Variants in PDE10A observed in about 807,000 individuals in gnomAD.
PDE10A encodes cAMP and cAMP-inhibited cGMP 3',5'-cyclic phosphodiesterase 10A.
PDE10A carries 39 observed loss-of-function variants against 97.7 expected under a neutral mutation model. That is an observed-to-expected ratio of 0.40 (90% CI 0.31 to 0.52). PDE10A has a LOEUF of 0.52. Among genes scored for constraint, PDE10A ranks in the 20% least tolerant of loss-of-function variants. The probability of loss-of-function intolerance (pLI) is 0.56; values close to 1 mark genes in which losing one functional copy is unlikely to be tolerated. For missense variants in PDE10A, 731 were observed against 1,047.8 expected (o/e 0.70, Z 4.17); for synonymous variants, 371 against 376.8 (o/e 0.98, Z 0.18).
At chr6:165,555,724 A>G (rs1177628834) in intron 1 of PDE10A, among the ~76,000 whole-genome samples, 1 of 152,184 alleles carries the variant, frequency 6.6e-6, no homozygotes, top group African/African-American at 2.4e-5. Context: ...GCTAGCCATC[A>G]TATTAACTGG....
At chr6:165,407,381 AT>A (rs141096653) in intron 13 of PDE10A, among the ~76,000 whole-genome samples, 2,292 of 151,910 alleles carry the variant, frequency 0.015, 64 homozygotes, top group African/African-American at 0.05. Flanking sequence ...CTATACATCC[AT>A]TTTTTTTCTT....
chr6:165,977,479 T>C (rs998858084), intron 1 of PDE10A, among the ~76,000 whole-genome samples: 2 of 152,110 alleles, frequency 1.3e-5, no homozygotes, highest in African/African-American at 4.8e-5. Flanking sequence ...AGCACCAAAT[T>C]CAACATCCAT....
At chr6:165,755,920 T>G (rs1022289104) in intron 1 of PDE10A, among the ~76,000 whole-genome samples, 2 of 152,184 alleles carry the variant, frequency 1.3e-5, no homozygotes, top group African/African-American at 4.8e-5. Context: ...CCTCTGCCTC[T>G]TCCTCCCTCC....
chr6:165,787,310 G>A (rs1323839988), intron 1 of PDE10A, among the ~76,000 whole-genome samples: 1 of 152,154 alleles, frequency 6.6e-6, no homozygotes, highest in Non-Finnish European at 1.5e-5. Flanking sequence ...GAAATGAAAT[G>A]ATAATGTTTT....
intron 1 of PDE10A, among the ~76,000 whole-genome samples, chr6:165,583,003 C>T (rs925939675): frequency 6.6e-6 from 1 of 152,130 alleles, no homozygotes; most frequent in Non-Finnish European, 1.5e-5. Flanking sequence ...CACCAAGTAC[C>T]GGCCTCCACA....
chr6:165,358,545 C>CT (rs1224338701), intron 18 of PDE10A, among the ~76,000 whole-genome samples: 1 of 149,124 alleles, frequency 6.7e-6, no homozygotes, highest in Non-Finnish European at 1.5e-5. Context: ...CATGGTATAT[C>CT]TTTATCATTT....
chr6:165,363,533 C>CAGAAA (rs998111655), intron 18 of PDE10A, among the ~76,000 whole-genome samples: 1 of 150,572 alleles, frequency 6.6e-6, no homozygotes, highest in African/African-American at 2.4e-5. Context: ...AAAAAAAAAA[C>CAGAAA]AGAAAAGAAA....
intron 18 of PDE10A, among the ~76,000 whole-genome samples, chr6:165,376,738 T>C (rs1233890177): frequency 6.6e-6 from 1 of 152,050 alleles, no homozygotes; most frequent in African/African-American, 2.4e-5. Flanking sequence ...AACACAGCAA[T>C]TCCCTATCTC....
intron 1 of PDE10A, among the ~76,000 whole-genome samples, chr6:165,955,964 A>G (rs987726504): frequency 6.6e-6 from 1 of 152,236 alleles, no homozygotes; most frequent in South Asian, 2.1e-4. Context: ...ACTTCTGAGC[A>G]TATTCTTAAC....
intron 18 of PDE10A, among the ~76,000 whole-genome samples, chr6:165,371,449 C>T (rs1479397907): frequency 2.6e-5 from 4 of 151,978 alleles, no homozygotes; most frequent in Non-Finnish European, 4.4e-5. Context: ...ACTACAAACA[C>T]CTCTACGCAA....
At chr6:165,844,083 G>C (rs1165213254) in intron 1 of PDE10A, among the ~76,000 whole-genome samples, 1 of 152,186 alleles carries the variant, frequency 6.6e-6, no homozygotes, top group Non-Finnish European at 1.5e-5. Context: ...TCGCAGGTGA[G>C]ATGTATTTTG....
At chr6:165,881,937 G>A (rs62425102) in intron 1 of PDE10A, among the ~76,000 whole-genome samples, 18,640 of 152,118 alleles carry the variant, frequency 0.12, 1,542 homozygotes, top group East Asian at 0.28. Context: ...AAAGTGTGCC[G>A]CCCAGGCAGA....
chr6:165,607,972 A>G lies in PDE10A; in HGVS notation c.865+53975T>C, dbSNP rs190807974. Among the ~76,000 whole-genome samples the G allele has an allele frequency of 2.5e-4, 38 of 152,036 alleles. No individual in the cohort carries two copies. In the East Asian group the frequency reaches 5.0e-3, roughly 20 times the overall value. On this transcript the variant is annotated intron_variant, in intron 1 of 21. Transcript: ENST00000539869. ...GACCCACATGACTCTGAGCTGCATG[A>G]TGAGATGATGCCACAATGTCTCTCC...
intron 1 of PDE10A, among the ~76,000 whole-genome samples, chr6:165,952,503 A>C (rs1015842271): frequency 1.3e-5 from 2 of 152,234 alleles, no homozygotes; most frequent in African/African-American, 4.8e-5. Context: ...ATTCAATTCT[A>C]AAACATGCAG....
At chr6:165,766,522 C>G (rs1464890907) in intron 1 of PDE10A, among the ~76,000 whole-genome samples, 1 of 152,198 alleles carries the variant, frequency 6.6e-6, no homozygotes, top group Non-Finnish European at 1.5e-5. Context: ...AATCTGAAGC[C>G]TTTTACAAAT....
Position 165,333,068 on chromosome 6 carries a change from G to T in PDE10A, c.3125C>A (p.Ser1042Ter). ...IRGEETATWI[S>*]SPSVAQKAAA... ...TGCCTTCTGAGCCACGGATGGGGAT[G>T]AAATCCAGGTTGCAGTCTCCTCCCC... Residue 1042 changes from serine to a stop codon, truncating the protein, a stop_gained, in exon 22 of 22, where the codon TCA (serine) becomes TAA (stop). Coordinates refer to ENST00000539869, the MANE Select transcript of PDE10A (RefSeq NM_001385079.1). LOFTEE classifies it low-confidence loss of function (END_TRUNC). 1 of 1,613,312 alleles carries T rather than the reference G, an allele frequency of 6.2e-7. No individual in the cohort carries two copies.
intron 1 of PDE10A, among the ~76,000 whole-genome samples, chr6:165,691,099 T>G (rs9459475): frequency 3.8e-5 from 2 of 53,268 alleles, no homozygotes; most frequent in East Asian, 6.5e-4. Context: ...CTCTCTCTCT[T>G]TCTCTCTCCC....
rs1234224553 is a variant in PDE10A at position 165,332,728 on chromosome 6, C to A, written c.*297G>T. The A allele has an allele frequency of 2.8e-6, 1 of 353,718 alleles. No individual in the cohort carries two copies. The highest frequency in any genetic ancestry group is 4.6e-5 in the Admixed American group (1 of 21,574). The allele number at this position is 353,718 out of a possible 1,614,324, so 21.9% of individuals were successfully genotyped here. ...TAATTTTTGTCCATTTCCTTTAAGG[C>A]CTCAGCAATATTAGCCTATTAGAAA... is the stretch of plus-strand genomic sequence containing the variant. On this transcript the variant is annotated 3_prime_UTR_variant, in exon 22 of 22. Transcript: ENST00000539869.
chr6:165,596,494 TGAG>T (rs1423410601), intron 1 of PDE10A, among the ~76,000 whole-genome samples: 1 of 152,232 alleles, frequency 6.6e-6, no homozygotes, highest in African/African-American at 2.4e-5. Flanking sequence ...CTCTGGTGGC[TGAG>T]GTGAGAGGAT....
Sources: allele counts gnomAD v4.1 joint callset (sites outside exome capture counted in the v4.1 genomes callset), GRCh38; gene constraint gnomAD v4.1.1; transcripts MANE v1.5; gene names NCBI Gene and HGNC (gene_info 2026-07-23, HGNC 2026-07-21).